Variants in UNC5C observed in about 807,000 individuals in gnomAD.
The protein encoded by UNC5C is unc-5 netrin receptor C, also known as netrin receptor UNC5C.
In UNC5C, 47 loss-of-function variants were observed where a neutral mutation model predicts 99.8. The ratio of observed to expected loss-of-function variants is 0.47; its 90% CI spans 0.37 to 0.60. The LOEUF is 0.60. Among genes scored for constraint, UNC5C ranks in the 20% least tolerant of loss-of-function variants. The pLI is 0.00. For synonymous variants in UNC5C, 487 were observed against 452.2 expected (o/e 1.08, Z -0.98); for missense variants, 1,062 against 1,165.9 (o/e 0.91, Z 1.30).
intron 11 of UNC5C, among the ~76,000 whole-genome samples, chr4:95,205,725 C>T (rs1737852818): frequency 6.6e-6 from 1 of 151,976 alleles, no homozygotes; most frequent in Non-Finnish European, 1.5e-5. Context: ...AAACATATTA[C>T]TGAAATATAG....
chr4:95,345,407 C>T (rs750098319), intron 1 of UNC5C, among the ~76,000 whole-genome samples: 11 of 151,892 alleles, frequency 7.2e-5, no homozygotes, highest in Admixed American at 4.6e-4. Flanking sequence ...ACAGTTAAAG[C>T]TGGAAACTGC....
intron 1 of UNC5C, among the ~76,000 whole-genome samples, chr4:95,377,208 T>C (rs538776207): frequency 6.6e-6 from 1 of 152,154 alleles, no homozygotes; most frequent in South Asian, 2.1e-4. Flanking sequence ...AATCACACTT[T>C]TCAATTTTCT....
rs181584891 is a variant in UNC5C at position 95,249,748 on chromosome 4, T to C, written c.775+739A>G. Among the ~76,000 whole-genome samples the C allele has an allele frequency of 3.2e-4, 48 of 152,216 alleles. 1 individual carries two copies. Among genetic ancestry groups the C allele is most frequent in the African/African-American group, 8.9e-4 (37 of 41,562 alleles). ...AGCTGGCTTAGAAAGGACCAGGGTG[T>C]GGGAGGAATCTTCCTAAGAAGTTGC... On this transcript the variant is annotated intron_variant, in intron 5 of 15. Transcript: ENST00000453304.
intron 10 of UNC5C, among the ~76,000 whole-genome samples, chr4:95,208,215 T>C (rs1737949364): frequency 6.6e-6 from 1 of 152,216 alleles, no homozygotes. Context: ...CTGTTGATTA[T>C]TCCCAATCAA....
At chr4:95,277,013 G>A (rs1268522135) in intron 4 of UNC5C, among the ~76,000 whole-genome samples, 3 of 152,034 alleles carry the variant, frequency 2.0e-5, no homozygotes, top group African/African-American at 7.2e-5. Flanking sequence ...ACAATCAGAT[G>A]TTTGAGCTTG....
At chr4:95,476,678 A>C (rs965743722) in intron 1 of UNC5C, among the ~76,000 whole-genome samples, 9 of 152,250 alleles carry the variant, frequency 5.9e-5, no homozygotes, top group African/African-American at 2.2e-4. Context: ...GAAGAAAGGC[A>C]TGCAACTACT....
intron 1 of UNC5C, among the ~76,000 whole-genome samples, chr4:95,408,486 G>T (rs1450008054): frequency 2.6e-5 from 4 of 152,028 alleles, no homozygotes; most frequent in Non-Finnish European, 5.9e-5. Context: ...GAATCTTTTT[G>T]AATTGCTCAT....
chr4:95,457,503 T>C (rs1389769385), intron 1 of UNC5C, among the ~76,000 whole-genome samples: 1 of 152,128 alleles, frequency 6.6e-6, no homozygotes, highest in Non-Finnish European at 1.5e-5. Flanking sequence ...CACAAGAGAT[T>C]CTACTCTCAG....
intron 1 of UNC5C, among the ~76,000 whole-genome samples, chr4:95,498,045 C>T (rs1015971692): frequency 6.6e-6 from 1 of 151,926 alleles, no homozygotes; most frequent in African/African-American, 2.4e-5. Flanking sequence ...TACCACTTCA[C>T]ATTCTGTTTT....
At chr4:95,354,913 T>C (rs1380991048) in intron 1 of UNC5C, among the ~76,000 whole-genome samples, 1 of 152,196 alleles carries the variant, frequency 6.6e-6, no homozygotes, top group African/African-American at 2.4e-5. Context: ...TAACACTACC[T>C]TTTATAATTA....
chr4:95,525,344 T>A (rs1560494362), intron 1 of UNC5C, among the ~76,000 whole-genome samples: 1 of 152,184 alleles, frequency 6.6e-6, no homozygotes, highest in South Asian at 2.1e-4. Flanking sequence ...TATACTCTTA[T>A]AACTTTGCAG....
At chr4:95,515,700 A>G (rs1439370649) in intron 1 of UNC5C, among the ~76,000 whole-genome samples, 1 of 152,220 alleles carries the variant, frequency 6.6e-6, no homozygotes, top group African/African-American at 2.4e-5. Flanking sequence ...GGGAAAAAAC[A>G]CCTACCACAT....
intron 5 of UNC5C, among the ~76,000 whole-genome samples, chr4:95,246,732 G>T (rs1328934920): frequency 6.6e-6 from 1 of 151,798 alleles, no homozygotes; most frequent in Non-Finnish European, 1.5e-5. Flanking sequence ...AATGTATAAT[G>T]CTTATTTTTA....
intron 1 of UNC5C, among the ~76,000 whole-genome samples, chr4:95,421,708 G>A (rs1001701767): frequency 1.3e-5 from 2 of 151,376 alleles, no homozygotes; most frequent in Non-Finnish European, 2.9e-5. Flanking sequence ...ACAAACACAC[G>A]TTTATGAATA....
At chr4:95,403,400 T>A (rs1306621078) in intron 1 of UNC5C, among the ~76,000 whole-genome samples, 1 of 152,116 alleles carries the variant, frequency 6.6e-6, no homozygotes, top group Non-Finnish European at 1.5e-5. Context: ...GGGAACCAGC[T>A]CAGTGTGGAG....
At chr4:95,216,024 C>A (rs1232810878) in intron 10 of UNC5C, 100 bp downstream of exon 10, 5 of 934,784 alleles carry the variant, frequency 5.3e-6, no homozygotes, top group Non-Finnish European at 6.4e-6. Context: ...AGAAGCAAGG[C>A]ACTTGAGACA....
rs1744084970 is a variant in UNC5C at position 95,354,138 on chromosome 4, T to A, written c.125-18507A>T. On this transcript the variant is annotated intron_variant, in intron 1 of 15. Coordinates refer to ENST00000453304, the MANE Select transcript of UNC5C (RefSeq NM_003728.4). ...GAATCTGTTTCTTTCTGTTTCGGAT[T>A]CCACTATTATCATCATTTTTTGCCT... Among the ~76,000 whole-genome samples the A allele has an allele frequency of 2.6e-5, 4 of 152,130 alleles. No homozygotes were observed. In the South Asian group the frequency reaches 8.3e-4, roughly 31 times the overall value.
At chr4:95,363,841 C>A (rs1399992146) in intron 1 of UNC5C, among the ~76,000 whole-genome samples, 1 of 152,154 alleles carries the variant, frequency 6.6e-6, no homozygotes, top group Non-Finnish European at 1.5e-5. Context: ...TCTTTCCTTG[C>A]ACAGCAAGGT....
At chr4:95,321,432 T>C (rs1190213913) in intron 2 of UNC5C, among the ~76,000 whole-genome samples, 1 of 152,196 alleles carries the variant, frequency 6.6e-6, no homozygotes, top group Non-Finnish European at 1.5e-5. Context: ...ATAAGTCAGC[T>C]AGCAGAGATT....
Sources: allele counts gnomAD v4.1 joint callset (sites outside exome capture counted in the v4.1 genomes callset), GRCh38; gene constraint gnomAD v4.1.1; transcripts MANE v1.5; gene names NCBI Gene and HGNC (gene_info 2026-07-23, HGNC 2026-07-21).